The following SORD variants were observed in gnomAD, a reference collection of about 807,000 sequenced individuals.
SORD encodes the protein (R,R)-butanediol dehydrogenase.
A neutral mutation model predicts 35.6 loss-of-function variants in SORD; 18 were observed. The ratio of observed to expected loss-of-function variants is 0.51; its 90% CI spans 0.35 to 0.75. The LOEUF (loss-of-function observed/expected upper bound fraction) is 0.75. SORD is among the 30% of genes least tolerant of loss of function. The pLI is 0.01. For synonymous variants in SORD, 106 were observed against 152.9 expected, an observed-to-expected ratio of 0.69 and a Z score of 2.26; for missense variants, 250 against 390.2, an observed-to-expected ratio of 0.64 and a Z score of 3.03.
chr15:45,062,290 C>T (rs1893329344), intron 4 of SORD, among the ~76,000 whole-genome samples: 1 of 152,260 alleles, frequency 6.6e-6, no homozygotes, highest in Non-Finnish European at 1.5e-5. Context: ...GCCCTGTGCC[C>T]ACTCCCCTAC....
At chr15:45,072,880 T>G (rs1893535005) in intron 8 of SORD, among the ~76,000 whole-genome samples, 1 of 139,360 alleles carries the variant, frequency 7.2e-6, no homozygotes, top group Non-Finnish European at 1.5e-5. Context: ...CCACCCATGT[T>G]CTGCAGCTCC....
At chr15:45,063,075 C>CTGGCAG (rs974567101) in intron 4 of SORD, among the ~76,000 whole-genome samples, 3 of 145,306 alleles carry the variant, frequency 2.1e-5, no homozygotes, top group African/African-American at 7.9e-5. Context: ...GGGGCTCTGG[C>CTGGCAG]TGGCAGTGGC....
intron 1 of SORD, among the ~76,000 whole-genome samples, chr15:45,025,533 A>G (rs753012987): frequency 1.6e-4 from 25 of 151,758 alleles, no homozygotes; most frequent in Admixed American, 7.2e-4. Flanking sequence ...CTACTTGGGA[A>G]GCTGAGAATC....
intron 3 of SORD, among the ~76,000 whole-genome samples, chr15:45,049,556 C>T (rs1893095804): frequency 6.6e-6 from 1 of 152,130 alleles, no homozygotes; most frequent in Admixed American, 6.5e-5. Flanking sequence ...TAACTGGCAG[C>T]TATAGTTATG....
chr15:45,053,981 T>A (rs893129701), intron 3 of SORD, among the ~76,000 whole-genome samples: 18 of 147,382 alleles, frequency 1.2e-4, no homozygotes, highest in African/African-American at 4.5e-4. Context: ...AACTCATCAT[T>A]TTTTATGGCT....
chr15:45,050,057 C>T lies in SORD; in HGVS notation c.265+6636C>T, dbSNP rs370989891. On this transcript the variant is annotated intron_variant, in intron 3 of 8. Transcript: ENST00000267814. ...GCTTTTAAAATTGGCTTTGATGAAA[C>T]TCTGTTTTGCGAGGAACTTCAGATA... Among the ~76,000 whole-genome samples the T allele has an allele frequency of 1.4e-4, 22 of 152,310 alleles. No individual in the cohort carries two copies. In the East Asian group the frequency reaches 1.9e-3, roughly 13 times the overall value.
intron 1 of SORD, among the ~76,000 whole-genome samples, chr15:45,039,749 G>T (rs1325886218): frequency 2.6e-5 from 4 of 152,194 alleles, no homozygotes; most frequent in African/African-American, 9.6e-5. Context: ...AAGGAAAGAG[G>T]TTGGCAGCAC....
chr15:45,028,476 G>A (rs1455428704), intron 1 of SORD, among the ~76,000 whole-genome samples: 3 of 152,242 alleles, frequency 2.0e-5, no homozygotes, highest in Non-Finnish European at 4.4e-5. Flanking sequence ...TCAGGCAGGA[G>A]CATCTGAACA....
At chr15:45,032,823 C>A (rs1262030345) in intron 1 of SORD, among the ~76,000 whole-genome samples, 4 of 151,980 alleles carry the variant, frequency 2.6e-5, no homozygotes, top group Non-Finnish European at 5.9e-5. Flanking sequence ...AATTGGGAAA[C>A]CTTTGAATTT....
At chr15:45,055,419 ACT>A (rs1893199074) in intron 3 of SORD, among the ~76,000 whole-genome samples, 1 of 152,058 alleles carries the variant, frequency 6.6e-6, no homozygotes, top group African/African-American at 2.4e-5. Flanking sequence ...CGACACATAC[ACT>A]CTCCCAAGAC....
chr15:45,023,464 C>T, intron 1 of SORD, 115 bp downstream of exon 1: 1 of 916,940 alleles, frequency 1.1e-6, no homozygotes, highest in Non-Finnish European at 1.5e-6. Flanking sequence ...CCTTAAGCGC[C>T]CTGGCTGCCC....
intron 3 of SORD, among the ~76,000 whole-genome samples, chr15:45,060,632 C>T (rs1893286722): frequency 6.6e-6 from 1 of 152,198 alleles, no homozygotes; most frequent in Non-Finnish European, 1.5e-5. Flanking sequence ...ATCTTCCAAA[C>T]AGATGAAGAA....
chr15:45,055,033 G>A (rs1371742600), intron 3 of SORD, among the ~76,000 whole-genome samples: 2 of 152,172 alleles, frequency 1.3e-5, no homozygotes, highest in Non-Finnish European at 2.9e-5. Context: ...GTACCATGCT[G>A]TTTTGGTTAC....
At chr15:45,069,555 G>C (rs919821644) in intron 7 of SORD, among the ~76,000 whole-genome samples, 7 of 151,902 alleles carry the variant, frequency 4.6e-5, no homozygotes, top group African/African-American at 1.7e-4. Flanking sequence ...TCCTTATTGG[G>C]CCATCTGAGG....
chr15:45,060,840 T>G (rs2141279804), intron 3 of SORD: 1 of 831,372 alleles, frequency 1.2e-6, no homozygotes, highest in Non-Finnish European at 1.8e-6. Flanking sequence ...GACTCTGTGC[T>G]TCATCCCAAG....
chr15:45,023,462 G>A, intron 1 of SORD, 113 bp downstream of exon 1: 1 of 915,528 alleles, frequency 1.1e-6, no homozygotes, highest in Non-Finnish European at 1.5e-6. Flanking sequence ...CACCTTAAGC[G>A]CCCTGGCTGC....
At chr15:45,030,430 G>GCC (rs774742057) in intron 1 of SORD, among the ~76,000 whole-genome samples, 1 of 152,244 alleles carries the variant, frequency 6.6e-6, no homozygotes, top group African/African-American at 2.4e-5. Flanking sequence ...GGCTGTTGAA[G>GCC]CTGGCAGTTT....
At chr15:45,057,494 G>A (rs1893236239) in intron 3 of SORD, among the ~76,000 whole-genome samples, 1 of 152,182 alleles carries the variant, frequency 6.6e-6, no homozygotes, top group South Asian at 2.1e-4. Context: ...TGAATAGAAA[G>A]AAAGATTTGG....
chr15:45,054,415 A>G (rs1484098865), intron 3 of SORD, among the ~76,000 whole-genome samples: 1 of 152,080 alleles, frequency 6.6e-6, no homozygotes, highest in Non-Finnish European at 1.5e-5. Flanking sequence ...GCATCTTTTC[A>G]TGTGTTTTTT....
Sources: gnomAD v4.1 joint callset for allele counts (sites outside exome capture counted in the v4.1 genomes callset) on GRCh38, gnomAD v4.1.1 for gene constraint, MANE v1.5 for transcripts, NCBI Gene and HGNC (gene_info 2026-07-23, HGNC 2026-07-21) for gene names.